Variants in MCM9 observed in about 807,000 individuals in gnomAD.
MCM9 encodes the protein DNA helicase MCM9.
Under a neutral mutation model 72.8 loss-of-function variants are expected in MCM9, and 55 were observed. The observed-to-expected ratio is 0.76, with a 90% CI of 0.61 to 0.95. The LOEUF (loss-of-function observed/expected upper bound fraction) is 0.95, where lower values mean the gene tolerates loss of function less well. Among genes scored for constraint, MCM9 ranks in the 40% least tolerant of loss-of-function variants. MCM9 has a pLI of 0.00. For missense variants in MCM9, 1,279 were observed against 1,377.0 expected (o/e 0.93, Z 1.13); for synonymous variants, 480 against 503.4 (o/e 0.95, Z 0.62).
Position 118,815,458 on chromosome 6 carries a change from T to C in MCM9, c.2798A>G (p.His933Arg), listed in dbSNP as rs1214192897. Reference protein sequence around the residue: ...FTFKQKSKLIHSFEDHSHVSP... With the variant: ...FTFKQKSKLIRSFEDHSHVSP... ...CACATGGCTGTGATCTTCAAAGGAG[T>C]GGATCAGTTTTGACTTCTGCTTGAA... is the stretch of plus-strand genomic sequence containing the variant. The change falls in exon 14 of 14, where the codon CAC (histidine) becomes CGC (arginine). Residue 933 changes from histidine to arginine, a missense_variant. Transcript: ENST00000619706. The C allele has an allele frequency of 1.1e-5, 17 of 1,549,762 alleles. No homozygotes were observed. Among genetic ancestry groups the C allele is most frequent in the Non-Finnish European group, 1.4e-5 (16 of 1,146,814 alleles).
chr6:118,834,873 C>T (rs1293930538), intron 9 of MCM9, among the ~76,000 whole-genome samples: 1 of 152,144 alleles, frequency 6.6e-6, no homozygotes, highest in Admixed American at 6.5e-5. Flanking sequence ...TCCCATTTGT[C>T]AATTCTGGCT....
At chr6:118,838,095 A>G (rs1377855557) in intron 9 of MCM9, among the ~76,000 whole-genome samples, 1 of 148,088 alleles carries the variant, frequency 6.8e-6, no homozygotes, top group Non-Finnish European at 1.5e-5. Context: ...TCTATAAAGG[A>G]TTTTATTTCT....
At chr6:118,845,847 T>C (rs1583415715) in intron 9 of MCM9, among the ~76,000 whole-genome samples, 1 of 151,924 alleles carries the variant, frequency 6.6e-6, no homozygotes, top group East Asian at 1.9e-4. Context: ...AGAGGCAACC[T>C]ACCTGATCTT....
At chr6:118,886,063 A>T (rs1193414681) in intron 8 of MCM9, among the ~76,000 whole-genome samples, 1 of 152,002 alleles carries the variant, frequency 6.6e-6, no homozygotes, top group Non-Finnish European at 1.5e-5. Context: ...ACCAAAAAAA[A>T]AAAACAAAAA....
intron 8 of MCM9, among the ~76,000 whole-genome samples, chr6:118,859,709 A>C: frequency 6.6e-6 from 1 of 152,204 alleles, no homozygotes; most frequent in Admixed American, 6.5e-5. Flanking sequence ...AGTGAAGATG[A>C]GAGTAAAATC....
At position 118,814,951 on chromosome 6, in the gene MCM9, T is replaced by A. The variant is rs1395804496; in HGVS notation, c.3305A>T (p.Lys1102Ile). The A allele has an allele frequency of 6.4e-7, 1 of 1,550,418 alleles. No homozygotes were observed. Among genetic ancestry groups the A allele is most frequent in the South Asian group, 1.2e-5 (1 of 84,038 alleles). The stretch of plus-strand genomic sequence containing the variant: ...GGTGGACCCACGGAGCTGAAAAGAT[T>A]TCCTTTTACTGACACGCATTGGAGC... Reference protein sequence around the residue: ...TTAPMRVSKRKSFQLRGSTEK... With the variant: ...TTAPMRVSKRISFQLRGSTEK... The change falls in exon 14 of 14, where the codon AAA (lysine) becomes ATA (isoleucine). Residue 1102 changes from lysine (K) to isoleucine (I), a missense_variant. Lys to Ile is a moderately radical substitution (Grantham distance 102). Coordinates refer to ENST00000619706, the MANE Select transcript of MCM9 (RefSeq NM_017696.3).
intron 8 of MCM9, among the ~76,000 whole-genome samples, chr6:118,869,429 T>C (rs1487446716): frequency 1.3e-5 from 2 of 151,410 alleles, no homozygotes; most frequent in African/African-American, 2.4e-5. Context: ...AATTAAGGTG[T>C]CATCAACTTA....
At chr6:118,861,378 T>C (rs950616619) in intron 8 of MCM9, among the ~76,000 whole-genome samples, 3 of 152,170 alleles carry the variant, frequency 2.0e-5, no homozygotes, top group Non-Finnish European at 4.4e-5. Context: ...TCACCCACAA[T>C]GTGGTGAGTG....
chr6:118,831,070 G>GCCTCTTT, intron 9 of MCM9, among the ~76,000 whole-genome samples: 1 of 152,182 alleles, frequency 6.6e-6, no homozygotes, highest in African/African-American at 2.4e-5. Flanking sequence ...TATGCCTAAG[G>GCCTCTTT]TAACTGGGGG....
At chr6:118,855,529 A>G (rs1200328038) in intron 9 of MCM9, among the ~76,000 whole-genome samples, 1 of 150,084 alleles carries the variant, frequency 6.7e-6, no homozygotes, top group Non-Finnish European at 1.5e-5. Context: ...CCCTCCCTCT[A>G]CCTCACTCCT....
intron 8 of MCM9, among the ~76,000 whole-genome samples, chr6:118,871,079 G>C (rs1777567934): frequency 6.6e-6 from 1 of 152,052 alleles, no homozygotes; most frequent in South Asian, 2.1e-4. Flanking sequence ...GAGAGAAAGA[G>C]AATTCCGAAC....
intron 7 of MCM9, chr6:118,913,075 C>T (rs181225689): frequency 4.4e-5 from 23 of 520,244 alleles, no homozygotes; most frequent in African/African-American, 3.8e-4. Context: ...AAAGTATATG[C>T]CATAGAAAAA....
At chr6:118,914,500 G>A (rs1181822625) in intron 6 of MCM9, among the ~76,000 whole-genome samples, 3 of 152,144 alleles carry the variant, frequency 2.0e-5, no homozygotes, top group African/African-American at 4.8e-5. Flanking sequence ...CAGAAATGGT[G>A]AAGAAAGAAA....
At chr6:118,875,999 A>C (rs1165248667) in intron 8 of MCM9, among the ~76,000 whole-genome samples, 1 of 152,212 alleles carries the variant, frequency 6.6e-6, no homozygotes, top group African/African-American at 2.4e-5. Context: ...TTCAGTAGGT[A>C]AATGGATAAA....
intron 13 of MCM9, among the ~76,000 whole-genome samples, chr6:118,818,087 A>G (rs765957066): frequency 1.3e-5 from 2 of 151,816 alleles, no homozygotes; most frequent in Non-Finnish European, 2.9e-5. Context: ...TTGCCTGTTC[A>G]CTCTGATGAT....
chr6:118,909,304 G>A (rs1489516837), intron 8 of MCM9: 1 of 152,150 alleles, frequency 6.6e-6, no homozygotes, highest in Non-Finnish European at 1.5e-5. Flanking sequence ...TATTTGTAGT[G>A]ACATCAAAGG....
intron 8 of MCM9, among the ~76,000 whole-genome samples, chr6:118,872,885 G>C (rs1303087114): frequency 1.3e-5 from 2 of 151,934 alleles, no homozygotes; most frequent in Non-Finnish European, 2.9e-5. Flanking sequence ...TTGAAAACCA[G>C]AGGCCAAGTG....
chr6:118,829,616 C>T (rs1774393097), intron 9 of MCM9, among the ~76,000 whole-genome samples: 1 of 152,064 alleles, frequency 6.6e-6, no homozygotes, highest in African/African-American at 2.4e-5. Flanking sequence ...GAATAAAGTT[C>T]CCAGGGGAAA....
chr6:118,869,083 C>T (rs962654021), intron 8 of MCM9, among the ~76,000 whole-genome samples: 16 of 152,178 alleles, frequency 1.1e-4, no homozygotes, highest in African/African-American at 3.6e-4. Flanking sequence ...ACTATGCAGC[C>T]ATAAAAAAGG....
Sources: allele counts gnomAD v4.1 joint callset (sites outside exome capture counted in the v4.1 genomes callset), GRCh38; gene constraint gnomAD v4.1.1; transcripts MANE v1.5; gene names NCBI Gene and HGNC (gene_info 2026-07-23, HGNC 2026-07-21).